Variants in ATM observed in about 807,000 individuals in gnomAD.
The protein encoded by ATM is serine-protein kinase ATM.
ATM carries 308 observed loss-of-function variants against 387.0 expected under a neutral mutation model. The observed-to-expected ratio is 0.80, with a 90% CI of 0.73 to 0.87. ATM has a LOEUF of 0.87. Ranked by LOEUF, ATM falls within the 40% of genes least tolerant of loss-of-function variation. ATM has a pLI of 0.00. For synonymous variants in ATM, 1,156 were observed against 1,187.3 expected (o/e 0.97, Z 0.54); for missense variants, 3,312 against 3,560.9 (o/e 0.93, Z 1.78).
At chr11:108,328,669 G>A (rs2085936575) in intron 48 of ATM, among the ~76,000 whole-genome samples, 1 of 152,128 alleles carries the variant, frequency 6.6e-6, no homozygotes, top group Admixed American at 6.5e-5. Flanking sequence ...CATAGTTCAG[G>A]GCTGTCCAAT....
intron 4 of ATM, chr11:108,230,121 A>G (rs1240718759): frequency 6.6e-6 from 1 of 152,270 alleles, no homozygotes; most frequent in Non-Finnish European, 1.5e-5. Context: ...TAGCATTAAC[A>G]GTATTAAAAA....
intron 45 of ATM, among the ~76,000 whole-genome samples, chr11:108,323,327 T>C (rs1229536178): frequency 6.6e-6 from 1 of 152,188 alleles, no homozygotes; most frequent in Non-Finnish European, 1.5e-5. Flanking sequence ...AATGAAAGAT[T>C]ATCCTGCTGA....
intron 61 of ATM, among the ~76,000 whole-genome samples, chr11:108,360,183 C>G (rs1416386370): frequency 1.3e-5 from 2 of 150,254 alleles, no homozygotes; most frequent in Non-Finnish European, 3.0e-5. Context: ...CGCAAATAAA[C>G]TAGAAAATCT....
At position 108,271,379 on chromosome 11, in the gene ATM, A is replaced by T. The variant is rs2135554489; in HGVS notation, c.3050A>T (p.Gln1017Leu). 6.2e-7 allele frequency: 1 copy of T among 1,614,098 alleles called. No homozygotes were observed. Among genetic ancestry groups the T allele is most frequent in the Non-Finnish European group, 8.5e-7 (1 of 1,179,998 alleles). The change falls in exon 20 of 63, where the codon CAG (glutamine) becomes CTG (leucine). Residue 1017 changes from glutamine (Q) to leucine (L), a missense_variant. Transcript: ENST00000675843. ...DSENTRDAQGQFLTVIGAFWH... is the reference protein window; with the variant it reads ...DSENTRDAQGLFLTVIGAFWH... ...GAGAACACAAGGGATGCTCAAGGAC[A>T]GTTTCTTACAGTAATTGGAGCATTT... is the stretch of plus-strand genomic sequence containing the variant.
At chr11:108,308,986 A>C (rs2083907590) in intron 38 of ATM, 1 of 1,523,246 alleles carries the variant, frequency 6.6e-7, no homozygotes, top group African/African-American at 1.4e-5. Context: ...ATTGGGGTAG[A>C]ATGGTGTTGA....
intron 45 of ATM, among the ~76,000 whole-genome samples, chr11:108,322,889 A>G (rs542338234): frequency 6.6e-6 from 1 of 151,660 alleles, no homozygotes; most frequent in East Asian, 1.9e-4. Flanking sequence ...GCTACTAGAT[A>G]AAAGAAGTGG....
intron 5 of ATM, among the ~76,000 whole-genome samples, chr11:108,239,077 C>A (rs1233883312): frequency 1.3e-5 from 2 of 152,180 alleles, no homozygotes; most frequent in Non-Finnish European, 2.9e-5. Flanking sequence ...ATGTTGAAAT[C>A]TAACTCCCAA....
chr11:108,330,566 A>G (rs1347689351), intron 50 of ATM, 145 bp downstream of exon 50: 1 of 860,298 alleles, frequency 1.2e-6, no homozygotes, highest in East Asian at 2.5e-5. Flanking sequence ...GTAGTTTTCT[A>G]AACTTTGATC....
intron 8 of ATM, 67 bp from the exon 9 acceptor site, chr11:108,248,866 C>T (rs1323665198): frequency 5.8e-6 from 8 of 1,373,902 alleles, no homozygotes; most frequent in Middle Eastern, 2.6e-4. Context: ...CCAACCTGGG[C>T]AACAACAGCG....
intron 8 of ATM, among the ~76,000 whole-genome samples, chr11:108,248,230 G>A (rs1439813866): frequency 6.6e-6 from 1 of 152,044 alleles, no homozygotes; most frequent in Non-Finnish European, 1.5e-5. Context: ...ATAAAACTCT[G>A]TTCCCCAGAG....
At chr11:108,349,667 A>G (rs990172362) in intron 59 of ATM, among the ~76,000 whole-genome samples, 19 of 152,320 alleles carry the variant, frequency 1.2e-4, no homozygotes, top group African/African-American at 4.3e-4. Flanking sequence ...TCTCAAAAAA[A>G]AAGAATGTGG....
intron 45 of ATM, among the ~76,000 whole-genome samples, chr11:108,323,042 A>ATTAT (rs2085347628): frequency 3.9e-5 from 6 of 152,086 alleles, no homozygotes; most frequent in Admixed American, 3.9e-4. Context: ...TTGAATTACT[A>ATTAT]TTATTATTAT....
At chr11:108,361,779 C>T (rs2090792351) in intron 61 of ATM, among the ~76,000 whole-genome samples, 1 of 152,102 alleles carries the variant, frequency 6.6e-6, no homozygotes. Flanking sequence ...CTTCCTTACA[C>T]CTGATACAAA....
intron 16 of ATM, among the ~76,000 whole-genome samples, chr11:108,263,719 T>C (rs909651132): frequency 6.8e-6 from 1 of 146,174 alleles, no homozygotes; most frequent in Admixed American, 6.8e-5. Context: ...ATCAACAAAA[T>C]TGATAGACCG....
intron 37 of ATM, among the ~76,000 whole-genome samples, chr11:108,307,688 A>C (rs2083795242): frequency 6.6e-6 from 1 of 152,166 alleles, no homozygotes; most frequent in Non-Finnish European, 1.5e-5. Flanking sequence ...ATAAAATATA[A>C]ATTACAATGT....
chr11:108,336,085 C>A, intron 56 of ATM, 124 bp downstream of exon 56: 2 of 729,960 alleles, frequency 2.7e-6, no homozygotes, highest in Non-Finnish European at 4.8e-6. Flanking sequence ...TTGCTTGAGG[C>A]CAGGAGTTCG....
Position 108,368,005 on chromosome 11 carries a change from G to A in ATM, c.*2497G>A, listed in dbSNP as rs2091420697. The A allele has an allele frequency of 4.8e-6, 1 of 206,270 alleles. No individual in the cohort carries two copies. Among genetic ancestry groups the A allele is most frequent in the African/African-American group, 2.3e-5 (1 of 43,800 alleles). 12.8% of individuals were successfully genotyped at this position (206,270 alleles called of 1,614,324 possible). On this transcript the variant is annotated 3_prime_UTR_variant, in exon 63 of 63. Coordinates refer to ENST00000675843, the MANE Select transcript of ATM (RefSeq NM_000051.4). Reference sequence around the variant, plus strand: ...GATAATAGTATAGATAAATGAATTTGTAGCTAATTCTTGCTAGTTGTTGCA... The same window carrying A: ...GATAATAGTATAGATAAATGAATTTATAGCTAATTCTTGCTAGTTGTTGCA...
chr11:108,306,596 T>C (rs1020437046), intron 37 of ATM, among the ~76,000 whole-genome samples: 3 of 152,236 alleles, frequency 2.0e-5, no homozygotes, highest in Non-Finnish European at 2.9e-5. Flanking sequence ...GTAACTGTTT[T>C]ATTTTATCTG....
intron 4 of ATM, 107 bp from the exon 5 acceptor site, chr11:108,235,563 T>G: frequency 9.3e-7 from 1 of 1,080,108 alleles, no homozygotes; most frequent in Non-Finnish European, 1.3e-6. Context: ...CAAAAGAAGT[T>G]TAGTTAATAG....
Sources: gnomAD v4.1 joint callset for allele counts (sites outside exome capture counted in the v4.1 genomes callset) on GRCh38, gnomAD v4.1.1 for gene constraint, MANE v1.5 for transcripts, NCBI Gene and HGNC (gene_info 2026-07-23, HGNC 2026-07-21) for gene names.